The following STMN2 variants were observed in gnomAD, a reference collection of about 807,000 sequenced individuals.
STMN2 encodes stathmin-2.
Under a neutral mutation model 24.1 loss-of-function variants are expected in STMN2, and 2 were observed. That is an observed-to-expected ratio of 0.08 (90% CI 0.03 to 0.26). The LOEUF is 0.26. Among genes scored for constraint, STMN2 ranks in the 10% least tolerant of loss-of-function variants. The pLI is 1.00. For synonymous variants in STMN2, 83 were observed against 77.5 expected (o/e 1.07, Z -0.37); for missense variants, 114 against 213.6 (o/e 0.53, Z 2.91).
At chr8:79,638,299 G>C (rs1003832349) in intron 2 of STMN2, among the ~76,000 whole-genome samples, 10 of 152,156 alleles carry the variant, frequency 6.6e-5, no homozygotes, top group Admixed American at 1.3e-4. Context: ...TTTTTGCTGG[G>C]TTAGGGAATG....
chr8:79,620,378 G>A (rs1404897090), intron 1 of STMN2, among the ~76,000 whole-genome samples: 1 of 151,808 alleles, frequency 6.6e-6, no homozygotes, highest in Non-Finnish European at 1.5e-5. Context: ...AGTCATACAC[G>A]AGGCATATTT....
intron 3 of STMN2, among the ~76,000 whole-genome samples, chr8:79,650,141 T>G (rs1290370844): frequency 6.6e-6 from 1 of 152,266 alleles, no homozygotes; most frequent in Non-Finnish European, 1.5e-5. Flanking sequence ...AGCTGATCAT[T>G]GTCTTGCCCT....
intron 1 of STMN2, among the ~76,000 whole-genome samples, chr8:79,631,064 C>G (rs952295453): frequency 1.3e-5 from 2 of 152,156 alleles, no homozygotes; most frequent in Non-Finnish European, 2.9e-5. Flanking sequence ...AGGACAAGAG[C>G]CTGCAAGATG....
chr8:79,641,316 A>G, intron 2 of STMN2, 62 bp from the exon 3 acceptor site: 1 of 1,538,104 alleles, frequency 6.5e-7, no homozygotes, highest in South Asian at 1.2e-5. Context: ...AATCTAAATT[A>G]TTAAAATAAA....
chr8:79,656,428 T>C (rs1806368392), intron 4 of STMN2, among the ~76,000 whole-genome samples: 1 of 152,142 alleles, frequency 6.6e-6, no homozygotes, highest in Non-Finnish European at 1.5e-5. Flanking sequence ...CCCAAGTGAG[T>C]CAAGTCACGA....
chr8:79,642,204 T>A (rs931475807), intron 3 of STMN2, among the ~76,000 whole-genome samples: 3 of 152,220 alleles, frequency 2.0e-5, no homozygotes, highest in Non-Finnish European at 4.4e-5. Flanking sequence ...TTTTCTCTTT[T>A]TGCCATTGGT....
At chr8:79,619,365 T>A (rs1809457781) in intron 1 of STMN2, among the ~76,000 whole-genome samples, 1 of 152,224 alleles carries the variant, frequency 6.6e-6, no homozygotes, top group South Asian at 2.1e-4. Flanking sequence ...TACTCTGTCT[T>A]TGGAAGTTTT....
chr8:79,657,073 C>G (rs568060741), intron 4 of STMN2, among the ~76,000 whole-genome samples: 3 of 152,214 alleles, frequency 2.0e-5, no homozygotes, highest in Admixed American at 6.5e-5. Context: ...AGGGTTTTGC[C>G]GTGTTGGCCA....
At chr8:79,616,975 AAAT>A (rs1809395380) in intron 1 of STMN2, among the ~76,000 whole-genome samples, 2 of 152,236 alleles carry the variant, frequency 1.3e-5, no homozygotes, top group Non-Finnish European at 2.9e-5. Flanking sequence ...CAAGGATGAT[AAAT>A]CAATAATGCA....
At chr8:79,635,185 A>C (rs1432708832) in intron 1 of STMN2, among the ~76,000 whole-genome samples, 1 of 152,176 alleles carries the variant, frequency 6.6e-6, no homozygotes, top group Non-Finnish European at 1.5e-5. Context: ...AAAATGAGAA[A>C]ATGAAATGGG....
intron 1 of STMN2, chr8:79,611,848 A>T: frequency 2.7e-6 from 1 of 368,970 alleles, no homozygotes; most frequent in Non-Finnish European, 3.5e-6. Context: ...TTTTAGGGCA[A>T]GGGAGGGGAA....
chr8:79,632,267 T>C (rs980964671), intron 1 of STMN2, among the ~76,000 whole-genome samples: 1 of 152,172 alleles, frequency 6.6e-6, no homozygotes, highest in African/African-American at 2.4e-5. Context: ...TTTCTGTCTA[T>C]CAGAAACTGT....
chr8:79,624,730 T>C (rs1809612248), intron 1 of STMN2, among the ~76,000 whole-genome samples: 1 of 152,120 alleles, frequency 6.6e-6, no homozygotes, highest in Non-Finnish European at 1.5e-5. Context: ...CAAGAAGGAT[T>C]TCTCAAATTT....
At chr8:79,663,987 A>C (rs1355616851) in intron 4 of STMN2, among the ~76,000 whole-genome samples, 1 of 152,218 alleles carries the variant, frequency 6.6e-6, no homozygotes, top group Non-Finnish European at 1.5e-5. Context: ...AATGGAAAAA[A>C]AAATGATAAA....
chr8:79,613,493 A>G, intron 1 of STMN2: 1 of 985,478 alleles, frequency 1.0e-6, no homozygotes, highest in South Asian at 4.7e-5. Context: ...ACGTCCAGAA[A>G]GGTTCTGAGA....
At chr8:79,651,220 T>C (rs1353483495) in intron 3 of STMN2, among the ~76,000 whole-genome samples, 1 of 152,202 alleles carries the variant, frequency 6.6e-6, no homozygotes, top group Admixed American at 6.5e-5. Flanking sequence ...CAGGTCTCTG[T>C]GAGTTAGCAG....
In STMN2 at chr8:79,664,989, T is replaced by TAAAA; in HGVS notation, c.*125_*128dup. 4 of 590,328 alleles carry TAAAA rather than the reference T, an allele frequency of 6.8e-6. No homozygotes were observed. Among genetic ancestry groups the TAAAA allele is most frequent in the Non-Finnish European group, 6.9e-6 (3 of 435,424 alleles). 36.6% of individuals were successfully genotyped at this position (590,328 alleles called of 1,614,324 possible). ...GACATGGTTTAAAAAGAACTCATTATAAAAAAAAAAAAACAAAAAAAATCA... is the reference window on the plus strand; with the variant it reads ...GACATGGTTTAAAAAGAACTCATTATAAAAAAAAAAAAAAAAACAAAAAAAATCA... On this transcript the variant is annotated 3_prime_UTR_variant, in exon 5 of 5. Transcript: ENST00000220876.
chr8:79,641,661 C>CACAT lies in STMN2; in HGVS notation c.288+114_288+115insTACA, dbSNP rs1810102487. The CACAT allele has an allele frequency of 3.8e-6, 3 of 787,848 alleles. No individual in the cohort carries two copies. The Admixed American group carries it at 8.5e-5, about 22-fold the overall frequency. The allele number at this position is 787,848 out of a possible 1,614,324, so 48.8% of individuals were successfully genotyped here. A position where few individuals can be genotyped will look rare whatever the true frequency, so the allele number is the denominator to read the frequency against. ...ACACACACACACACACACACACACACACACACACACATACAGAGAGCAATG... is the reference window on the plus strand; with the variant it reads ...ACACACACACACACACACACACACACACATACACACACACATACAGAGAGCAATG... On this transcript the variant is annotated intron_variant, in intron 3 of 4. Transcript: ENST00000220876.
intron 3 of STMN2, among the ~76,000 whole-genome samples, chr8:79,650,324 T>C (rs1200274236): frequency 2.6e-5 from 4 of 152,192 alleles, no homozygotes; most frequent in Non-Finnish European, 5.9e-5. Flanking sequence ...AATTCCTTTC[T>C]GCTAATCTGC....
Sources: allele counts gnomAD v4.1 joint callset (sites outside exome capture counted in the v4.1 genomes callset), GRCh38; gene constraint gnomAD v4.1.1; transcripts MANE v1.5; gene names NCBI Gene and HGNC (gene_info 2026-07-23, HGNC 2026-07-21).